Variants in LRRIQ1 observed in about 807,000 individuals in gnomAD.
LRRIQ1 encodes leucine rich repeats and IQ motif containing 1.
A neutral mutation model predicts 211.9 loss-of-function variants in LRRIQ1; 210 were observed. The ratio of observed to expected loss-of-function variants is 0.99; its 90% CI spans 0.89 to 1.11. The LOEUF (loss-of-function observed/expected upper bound fraction) is 1.11. Among genes scored for constraint, LRRIQ1 ranks in the 50% most tolerant of loss-of-function variants. The pLI is 0.00. For synonymous variants in LRRIQ1, 699 were observed against 650.1 expected (o/e 1.08, Z -1.14); for missense variants, 2,136 against 1,939.5 (o/e 1.10, Z -1.90).
rs148062148 is a variant in LRRIQ1, at chr12:85,088,027, A to G, written c.2888-10328A>G. On this transcript the variant is annotated intron_variant, in intron 11 of 26. Transcript: ENST00000393217. Reference sequence around the variant, plus strand: ...AGATATGAAGTCCTTGGCCATGCCTATATCCTGAATGGTATTGCCTAGGTT... The same window carrying G: ...AGATATGAAGTCCTTGGCCATGCCTGTATCCTGAATGGTATTGCCTAGGTT... Among the ~76,000 whole-genome samples, 1,093 of 152,286 alleles carry G rather than the reference A, an allele frequency of 7.2e-3. 8 individuals are homozygous for G. Among genetic ancestry groups the G allele is most frequent in the Non-Finnish European group, 9.6e-3 (655 of 68,006 alleles).
intron 8 of LRRIQ1, among the ~76,000 whole-genome samples, chr12:85,064,043 C>A (rs11116694): frequency 0.51 from 77,201 of 151,572 alleles, 21,247 homozygotes; most frequent in African/African-American, 0.73. Context: ...TTTCTTTCGG[C>A]TATATACCTA....
Position 85,072,829 on chromosome 12 carries a change from T to G in LRRIQ1, c.2696-78T>G. 9 of 950,844 alleles carry G rather than the reference T, an allele frequency of 9.5e-6. No homozygotes were observed. The South Asian group carries it at 2.2e-4, about 24-fold the overall frequency. The allele number at this position is 950,844 out of a possible 1,614,324, so 58.9% of individuals were successfully genotyped here. ...ATTTTTTGCTCCAGGTTTAAATTTT[T>G]TTCTCATATAAGCTATAACCACTTG... On this transcript the variant is annotated intron_variant, in intron 10 of 26. Coordinates refer to ENST00000393217, the MANE Select transcript of LRRIQ1 (RefSeq NM_001079910.2).
downstream of LRRIQ1, among the ~76,000 whole-genome samples, chr12:85,247,985 GA>G (rs376554240): frequency 2.7e-4 from 41 of 151,616 alleles, no homozygotes; most frequent in African/African-American, 9.9e-4. Context: ...TTATGAAAGA[GA>G]TTACATTCTC....
intron 24 of LRRIQ1, among the ~76,000 whole-genome samples, chr12:85,217,640 A>ATATG (rs1326865864): frequency 1.4e-5 from 2 of 141,274 alleles, no homozygotes; most frequent in East Asian, 3.9e-4. Context: ...ATATATGTAT[A>ATATG]TATATGTGTA....
At chr12:85,224,876 AG>A (rs2137150646) in intron 24 of LRRIQ1, among the ~76,000 whole-genome samples, 1 of 152,300 alleles carries the variant, frequency 6.6e-6, no homozygotes, top group African/African-American at 2.4e-5. Context: ...TCAGAACTTA[AG>A]GTAAAATTTA....
At chr12:85,087,392 C>T (rs559966665) in intron 11 of LRRIQ1, among the ~76,000 whole-genome samples, 17 of 152,120 alleles carry the variant, frequency 1.1e-4, no homozygotes, top group Admixed American at 8.5e-4. Context: ...TGAATAGTGC[C>T]GCAATAAACA....
chr12:85,121,968 T>A (rs1888020253), intron 16 of LRRIQ1, 92 bp downstream of exon 16: 1 of 1,111,362 alleles, frequency 9.0e-7, no homozygotes, highest in Non-Finnish European at 1.2e-6. Flanking sequence ...ACAATTATAC[T>A]TTTTTGGATT....
chr12:85,076,166 T>G (rs188368787), intron 11 of LRRIQ1, among the ~76,000 whole-genome samples: 1 of 151,978 alleles, frequency 6.6e-6, no homozygotes, highest in Admixed American at 6.6e-5. Context: ...AAGCGCTTTT[T>G]CAGCACTGAA....
At chr12:85,147,305 T>C (rs1285999424) in intron 19 of LRRIQ1, among the ~76,000 whole-genome samples, 4 of 151,662 alleles carry the variant, frequency 2.6e-5, no homozygotes, top group Non-Finnish European at 5.9e-5. Context: ...ATAAGACAAA[T>C]GAGAAAATTT....
chr12:85,258,831 A>G (rs529897038), intron 1 of LRRIQ1, among the ~76,000 whole-genome samples: 11 of 152,128 alleles, frequency 7.2e-5, no homozygotes, highest in African/African-American at 2.6e-4. Context: ...GGGTATATCA[A>G]TGAAAATTCA....
intron 15 of LRRIQ1, among the ~76,000 whole-genome samples, chr12:85,107,340 G>T (rs1004512895): frequency 6.6e-6 from 1 of 151,696 alleles, no homozygotes; most frequent in Non-Finnish European, 1.5e-5. Context: ...ATGCTTTTTT[G>T]CAATAAGTTC....
intron 26 of LRRIQ1, among the ~76,000 whole-genome samples, chr12:85,239,541 G>A (rs946291668): frequency 3.3e-5 from 5 of 151,798 alleles, no homozygotes; most frequent in East Asian, 1.9e-4. Flanking sequence ...CAATTCAAGG[G>A]GGGGAAAGAT....
chr12:85,245,410 T>G, downstream of LRRIQ1, among the ~76,000 whole-genome samples: 1 of 150,978 alleles, frequency 6.6e-6, no homozygotes, highest in Non-Finnish European at 1.5e-5. Context: ...AGTTTGATTA[T>G]GTCTATTAAT....
At chr12:85,137,149 A>C (rs1889192867) in intron 18 of LRRIQ1, among the ~76,000 whole-genome samples, 1 of 151,402 alleles carries the variant, frequency 6.6e-6, no homozygotes, top group African/African-American at 2.4e-5. Context: ...ATTTATACAC[A>C]GTTTTTCATA....
chr12:85,130,836 T>G (rs563806455), intron 18 of LRRIQ1, among the ~76,000 whole-genome samples: 1 of 152,224 alleles, frequency 6.6e-6, no homozygotes, highest in South Asian at 2.1e-4. Context: ...AACCACATTC[T>G]TCTCTTCTTC....
chr12:85,162,763 T>A (rs958994667), intron 24 of LRRIQ1: 2 of 456,020 alleles, frequency 4.4e-6, no homozygotes, highest in African/African-American at 4.0e-5. Context: ...TTCCCCCAAG[T>A]GAATTTTGTT....
chr12:85,116,750 C>G (rs1887611817), intron 15 of LRRIQ1, among the ~76,000 whole-genome samples: 1 of 152,102 alleles, frequency 6.6e-6, no homozygotes, highest in South Asian at 2.1e-4. Context: ...TTGTTTTCTT[C>G]TTTGTGTTCA....
intron 24 of LRRIQ1, among the ~76,000 whole-genome samples, chr12:85,218,916 T>C (rs1348683749): frequency 1.3e-5 from 2 of 152,170 alleles, no homozygotes; most frequent in Non-Finnish European, 2.9e-5. Flanking sequence ...AAAACTTTGA[T>C]ATTTTGCTTC....
At chr12:85,114,654 T>A (rs1299526169) in intron 15 of LRRIQ1, among the ~76,000 whole-genome samples, 1 of 146,804 alleles carries the variant, frequency 6.8e-6, no homozygotes, top group Non-Finnish European at 1.5e-5. Context: ...TACATAAGAA[T>A]ATGAAAGAAA....
Sources: allele counts gnomAD v4.1 joint callset (sites outside exome capture counted in the v4.1 genomes callset), GRCh38; gene constraint gnomAD v4.1.1; transcripts MANE v1.5; gene names NCBI Gene and HGNC (gene_info 2026-07-23, HGNC 2026-07-21).